LRRC7: variants seen among roughly 807,000 people sequenced by gnomAD.
LRRC7 encodes the protein leucine rich repeat containing 7, also known as leucine-rich repeat-containing protein 7.
LRRC7 carries 23 observed loss-of-function variants against 175.7 expected under a neutral mutation model. The observed-to-expected ratio is 0.13, with a 90% CI of 0.09 to 0.19. LRRC7 has a LOEUF of 0.19. Among genes scored for constraint, LRRC7 ranks in the 10% least tolerant of loss-of-function variants. LRRC7 has a pLI of 1.00. For missense variants in LRRC7, 1,354 were observed against 1,904.7 expected (o/e 0.71, Z 5.38); for synonymous variants, 685 against 680.9 (o/e 1.01, Z -0.09).
Position 69,611,858 on chromosome 1 carries a change from C to A in LRRC7, c.2+43217C>A, listed in dbSNP as rs114805745. The stretch of plus-strand genomic sequence containing the variant: ...GATGACACAACAAAGCAAAGCATCA[C>A]CTTAGCCAAACTCAGCTGGAAATGT... On this transcript the variant is annotated intron_variant, in intron 1 of 26. Coordinates refer to ENST00000651989, the MANE Select transcript of LRRC7 (RefSeq NM_001370785.2). Among the ~76,000 whole-genome samples the A allele has an allele frequency of 4.5e-3, 689 of 152,174 alleles. 8 individuals carry two copies. Among genetic ancestry groups the A allele is most frequent in the African/African-American group, 0.016 (666 of 41,546 alleles).
At chr1:69,862,474 G>A (rs1214954724) in intron 7 of LRRC7, among the ~76,000 whole-genome samples, 1 of 152,078 alleles carries the variant, frequency 6.6e-6, no homozygotes. Flanking sequence ...TTTCTGCCTG[G>A]GAATAATTAG....
At chr1:69,828,758 A>G (rs986236997) in intron 5 of LRRC7, among the ~76,000 whole-genome samples, 14 of 152,044 alleles carry the variant, frequency 9.2e-5, no homozygotes, top group Non-Finnish European at 1.8e-4. Context: ...AGCTGCATAA[A>G]TGAAGATGTT....
chr1:70,022,029 T>C (rs1657558587), intron 16 of LRRC7, among the ~76,000 whole-genome samples: 1 of 152,168 alleles, frequency 6.6e-6, no homozygotes, highest in Non-Finnish European at 1.5e-5. Flanking sequence ...CCTTTCCACA[T>C]TTTCTAAACT....
chr1:69,641,044 G>A (rs1654121867), intron 1 of LRRC7, among the ~76,000 whole-genome samples: 1 of 151,562 alleles, frequency 6.6e-6, no homozygotes, highest in Non-Finnish European at 1.5e-5. Flanking sequence ...CTTTTACCTG[G>A]ATAGAGAACT....
intron 24 of LRRC7, among the ~76,000 whole-genome samples, chr1:70,086,338 C>A (rs888250469): frequency 6.6e-6 from 1 of 151,976 alleles, no homozygotes; most frequent in African/African-American, 2.4e-5. Context: ...AAAATAAGAC[C>A]CAGTATTGTA....
chr1:69,693,302 G>C (rs1662130990), intron 2 of LRRC7, among the ~76,000 whole-genome samples: 1 of 152,046 alleles, frequency 6.6e-6, no homozygotes, highest in South Asian at 2.1e-4. Flanking sequence ...TTGCTTATCT[G>C]AGACTCAAAT....
intron 21 of LRRC7, among the ~76,000 whole-genome samples, chr1:70,040,193 G>A (rs764618805): frequency 9.2e-5 from 14 of 152,112 alleles, no homozygotes; most frequent in Non-Finnish European, 1.8e-4. Context: ...CCCCGTTTCT[G>A]GATGGACTCA....
At chr1:69,635,939 A>T (rs1653286086) in intron 1 of LRRC7, among the ~76,000 whole-genome samples, 1 of 152,066 alleles carries the variant, frequency 6.6e-6, no homozygotes, top group Admixed American at 6.6e-5. Flanking sequence ...ATTTTTACCT[A>T]AATCATGCAG....
rs1666235702 is a variant in LRRC7 at position 70,122,022 on chromosome 1, G to C, written c.*135G>C. 8.6e-6 allele frequency: 5 copies of C among 578,682 alleles called. No homozygotes were observed. Among genetic ancestry groups the C allele is most frequent in the Non-Finnish European group, 1.2e-5 (4 of 323,900 alleles). The allele number at this position is 578,682 out of a possible 1,614,324, so 35.8% of individuals were successfully genotyped here. A position where few individuals can be genotyped will look rare whatever the true frequency, so the allele number is the denominator to read the frequency against. On this transcript the variant is annotated 3_prime_UTR_variant, in exon 27 of 27. Coordinates refer to ENST00000651989, the MANE Select transcript of LRRC7 (RefSeq NM_001370785.2). ...GCCAAATGTATAATACTATATGTTA[G>C]CACTGACCATCCTTAAAAAATGTTA...
intron 1 of LRRC7, among the ~76,000 whole-genome samples, chr1:69,613,009 A>G (rs1443792437): frequency 6.6e-6 from 1 of 151,992 alleles, no homozygotes; most frequent in Non-Finnish European, 1.5e-5. Context: ...ACTTTTTTAC[A>G]TGCTACTTCA....
At chr1:70,018,395 A>G (rs1022204454) in intron 14 of LRRC7, among the ~76,000 whole-genome samples, 4 of 152,098 alleles carry the variant, frequency 2.6e-5, no homozygotes, top group Non-Finnish European at 4.4e-5. Context: ...ATGAATAGGC[A>G]TATAGAACTG....
intron 4 of LRRC7, among the ~76,000 whole-genome samples, chr1:69,806,396 G>A (rs1421968804): frequency 6.6e-6 from 1 of 151,864 alleles, no homozygotes; most frequent in Non-Finnish European, 1.5e-5. Context: ...ACTTACTGTT[G>A]GCCAAGGTCA....
At chr1:69,829,342 T>C (rs1680278581) in intron 5 of LRRC7, among the ~76,000 whole-genome samples, 1 of 151,920 alleles carries the variant, frequency 6.6e-6, no homozygotes, top group African/African-American at 2.4e-5. Context: ...GTTGTAGTTT[T>C]TTAACTGATA....
At chr1:69,589,155 T>G (rs2100948959) in intron 1 of LRRC7, among the ~76,000 whole-genome samples, 2 of 138,694 alleles carry the variant, frequency 1.4e-5, no homozygotes, top group East Asian at 4.3e-4. Flanking sequence ...TGTGTGTGTA[T>G]GTCTGTGTGT....
intron 1 of LRRC7, among the ~76,000 whole-genome samples, chr1:69,589,115 GGTGTGTGTGTGTGTGTGTGT>G (rs55678803): frequency 2.1e-5 from 3 of 142,354 alleles, no homozygotes; most frequent in African/African-American, 5.2e-5. Context: ...TCATAAAAAG[GGTGTGTGTGTGTGTGTGTGT>G]GTGTGTGTGT....
intron 3 of LRRC7, among the ~76,000 whole-genome samples, chr1:69,778,268 T>A (rs1203235764): frequency 6.6e-6 from 1 of 152,200 alleles, no homozygotes; most frequent in African/African-American, 2.4e-5. Context: ...TTATTCATTC[T>A]CTATATGTTT....
At chr1:69,839,750 G>A (rs533738341) in intron 7 of LRRC7, among the ~76,000 whole-genome samples, 10 of 152,096 alleles carry the variant, frequency 6.6e-5, no homozygotes, top group African/African-American at 2.4e-4. Context: ...TTCATTTGAA[G>A]TACAAAATAA....
intron 7 of LRRC7, among the ~76,000 whole-genome samples, chr1:69,846,533 C>A (rs187078133): frequency 3.9e-5 from 6 of 152,152 alleles, no homozygotes; most frequent in African/African-American, 1.4e-4. Flanking sequence ...TCTAGTGGAA[C>A]AATTAGCTCA....
intron 1 of LRRC7, among the ~76,000 whole-genome samples, chr1:69,655,205 T>C (rs1656427536): frequency 6.6e-6 from 1 of 152,098 alleles, no homozygotes; most frequent in Non-Finnish European, 1.5e-5. Context: ...ATATATTTAC[T>C]ACTAAGACAG....
Sources: gnomAD v4.1 joint callset for allele counts (sites outside exome capture counted in the v4.1 genomes callset) on GRCh38, gnomAD v4.1.1 for gene constraint, MANE v1.5 for transcripts, NCBI Gene and HGNC (gene_info 2026-07-23, HGNC 2026-07-21) for gene names.